The following WDHD1 variants were observed in gnomAD, a reference collection of about 807,000 sequenced individuals.
WDHD1 encodes WD repeat and HMG-box DNA binding protein 1.
Under a neutral mutation model 135.4 loss-of-function variants are expected in WDHD1, and 111 were observed. That is an observed-to-expected ratio of 0.82 (90% CI 0.70 to 0.96). WDHD1 has a LOEUF of 0.96. Ranked by LOEUF, WDHD1 falls within the 40% of genes least tolerant of loss-of-function variation. The probability of loss-of-function intolerance (pLI) is 0.00; values close to 1 mark genes in which losing one functional copy is unlikely to be tolerated. For missense variants in WDHD1, 1,351 were observed against 1,336.3 expected, an observed-to-expected ratio of 1.01 and a Z score of -0.17; for synonymous variants, 434 against 439.0, an observed-to-expected ratio of 0.99 and a Z score of 0.14.
intron 24 of WDHD1, among the ~76,000 whole-genome samples, chr14:54,951,429 C>T (rs1189331093): frequency 3.3e-5 from 5 of 151,852 alleles, no homozygotes; most frequent in Non-Finnish European, 7.4e-5. Context: ...ACACACACAC[C>T]CTCCCAAGAC....
intron 24 of WDHD1, among the ~76,000 whole-genome samples, chr14:54,946,990 C>T (rs1566702765): frequency 6.6e-6 from 1 of 151,836 alleles, no homozygotes; most frequent in Non-Finnish European, 1.5e-5. Context: ...TTGCAGTGAG[C>T]TGAGATTGCA....
rs570246738 is a variant in WDHD1, at chr14:55,008,176, G to C, written c.504+140C>G. The C allele has an allele frequency of 2.8e-5, 21 of 737,786 alleles. No individual in the cohort carries two copies. In the Admixed American group the frequency reaches 6.3e-4, roughly 22 times the overall value. The allele number at this position is 737,786 out of a possible 1,614,324, so 45.7% of individuals were successfully genotyped here. ...TTGGCACTAGAATACTGTGGACTTT[G>C]ATCACAAAAACAGTATTTAATGGTA... On this transcript the variant is annotated intron_variant, in intron 6 of 25. Coordinates refer to ENST00000360586, the MANE Select transcript of WDHD1 (RefSeq NM_007086.4).
intron 8 of WDHD1, 73 bp downstream of exon 8, chr14:55,002,020 C>T: frequency 9.5e-7 from 1 of 1,052,424 alleles, no homozygotes; most frequent in Non-Finnish European, 1.4e-6. Context: ...TATTTAACTG[C>T]AACTGTATTC....
chr14:55,018,894 A>G (rs1286812864), intron 2 of WDHD1, among the ~76,000 whole-genome samples: 2 of 152,326 alleles, frequency 1.3e-5, no homozygotes, highest in African/African-American at 4.8e-5. Flanking sequence ...ATGGTGGCGC[A>G]TGCCTGTAAT....
At chr14:54,972,663 A>T (rs1361550262) in intron 16 of WDHD1, among the ~76,000 whole-genome samples, 1 of 151,460 alleles carries the variant, frequency 6.6e-6, no homozygotes, top group African/African-American at 2.4e-5. Context: ...GTTGTCAAAA[A>T]AGAGAAAAAA....
intron 16 of WDHD1, among the ~76,000 whole-genome samples, chr14:54,969,565 G>A (rs965821527): frequency 3.9e-5 from 6 of 151,960 alleles, no homozygotes; most frequent in South Asian, 2.1e-4. Flanking sequence ...AAATTGAATC[G>A]TAATAAATAA....
chr14:55,011,185 C>T lies in WDHD1; in HGVS notation c.190-725G>A, dbSNP rs144949169. Among the ~76,000 whole-genome samples, 340 of 152,274 alleles carry T rather than the reference C, an allele frequency of 2.2e-3. 2 individuals carry two copies. The highest frequency in any genetic ancestry group is 7.7e-3 in the African/African-American group (318 of 41,564). On this transcript the variant is annotated intron_variant, in intron 3 of 25. Coordinates refer to ENST00000360586, the MANE Select transcript of WDHD1 (RefSeq NM_007086.4). The stretch of plus-strand genomic sequence containing the variant: ...TTACTTTTTCCTCCTTTACAGTCTT[C>T]TTCATATACAAAGGCAGTACATGCT...
chr14:54,989,248 A>G, intron 12 of WDHD1, 36 bp from the exon 13 acceptor site: 3 of 1,518,738 alleles, frequency 2.0e-6, no homozygotes, highest in Non-Finnish European at 2.7e-6. Context: ...AGTCTGAGAA[A>G]AACTGAAGCT....
chr14:54,996,015 T>G (rs532435922), intron 10 of WDHD1, among the ~76,000 whole-genome samples: 1 of 152,294 alleles, frequency 6.6e-6, no homozygotes, highest in South Asian at 2.1e-4. Context: ...TTCAAATGCC[T>G]TGTAGTCTGG....
intron 3 of WDHD1, among the ~76,000 whole-genome samples, chr14:55,012,812 A>G (rs745771031): frequency 1.3e-5 from 2 of 152,058 alleles, no homozygotes; most frequent in African/African-American, 4.8e-5. Context: ...CAATCCAATC[A>G]TGAGGCCAGA....
In WDHD1 at chr14:54,987,340, C is replaced by T; in HGVS notation, c.1574G>A (p.Trp525Ter). 6.2e-7 allele frequency: 1 copy of T among 1,613,898 alleles called. No homozygotes were observed. The highest frequency in any genetic ancestry group is 8.5e-7 in the Non-Finnish European group (1 of 1,179,976). The change falls in exon 14 of 26, where the codon TGG becomes TAG. Residue 525 changes from tryptophan to a stop codon, truncating the protein, a stop_gained. Coordinates refer to ENST00000360586, the MANE Select transcript of WDHD1 (RefSeq NM_007086.4). LOFTEE classifies it high-confidence loss of function. ...HFSSWDSSKE[W>*]IIDLPQNEDI... The stretch of plus-strand genomic sequence containing the variant: ...CTCATTCTGAGGCAAGTCTATTATC[C>T]ACTCTTTGCTTGAATCCCAAGAACT...
rs2041743717 is a variant in WDHD1 at position 54,989,165 on chromosome 14, G to A, written c.1389C>T (p.Asp463=). 1 of 1,613,504 alleles carries A rather than the reference G, an allele frequency of 6.2e-7. No individual in the cohort carries two copies. The highest frequency in any genetic ancestry group is 1.3e-5 in the African/African-American group (1 of 74,902). The change falls in exon 13 of 26, where the codon GAC becomes GAT. Residue 463 remains aspartate (D), a synonymous_variant. Coordinates refer to ENST00000360586, the MANE Select transcript of WDHD1 (RefSeq NM_007086.4). ...GIIRCYNDEQ[D]NAIDVEFHDT... is the part of the protein sequence containing the mutation. ...CATGGAACTCCACATCTATGGCATT[G>A]TCTTGCTCATCATTATAGCAGCGAA...
chr14:54,949,103 C>A (rs971275118), intron 24 of WDHD1, among the ~76,000 whole-genome samples: 1 of 152,200 alleles, frequency 6.6e-6, no homozygotes, highest in Non-Finnish European at 1.5e-5. Flanking sequence ...ACCTCTCCCC[C>A]CCCAAAGGAA....
In WDHD1 at chr14:54,940,513, AC is replaced by A. The variant is rs1245976729; in HGVS notation, c.*976del. 2 of 151,368 alleles carry A rather than the reference AC, an allele frequency of 1.3e-5. No homozygotes were observed. The highest frequency in any genetic ancestry group is 2.9e-5 in the Non-Finnish European group (2 of 67,878). 9.4% of individuals were successfully genotyped at this position (151,368 alleles called of 1,614,324 possible). ...TTATGTGATTGTTTCCTTCCCTCCC[AC>A]CCCCAGTACACTGCCTTTATGTGGC... On this transcript the variant is annotated 3_prime_UTR_variant, in exon 26 of 26. Transcript: ENST00000360586.
chr14:54,978,265 A>C lies in WDHD1; in HGVS notation c.2063+3275T>G, dbSNP rs561914427. ...GGACATGCAAGAAATCACTGAGAAC[A>C]ACCTACACTATAAGAACTACTAAAA... On this transcript the variant is annotated intron_variant, in intron 16 of 25. Coordinates refer to ENST00000360586, the MANE Select transcript of WDHD1 (RefSeq NM_007086.4). 3.3e-5 allele frequency among the ~76,000 whole-genome samples: 5 copies of C among 152,306 alleles called. No homozygotes were observed. The South Asian group carries it at 1.0e-3, about 32-fold the overall frequency.
intron 18 of WDHD1, among the ~76,000 whole-genome samples, chr14:54,966,163 C>CT (rs200445471): frequency 0.48 from 26,888 of 56,486 alleles, 3,920 homozygotes; most frequent in South Asian, 0.53. Context: ...CCCATCTCTA[C>CT]TAAAAAAAAA....
intron 16 of WDHD1, among the ~76,000 whole-genome samples, chr14:54,973,665 C>T (rs1245162067): frequency 1.3e-5 from 2 of 152,082 alleles, no homozygotes; most frequent in Non-Finnish European, 2.9e-5. Context: ...AGAGCATGTG[C>T]ATTCACAAAA....
At chr14:54,944,593 G>C in intron 24 of WDHD1, 123 bp from the exon 25 acceptor site, 1 of 588,968 alleles carries the variant, frequency 1.7e-6, no homozygotes, top group Non-Finnish European at 2.5e-6. Flanking sequence ...GGAAGACACA[G>C]TTACACTTGT....
At chr14:55,025,927 A>G (rs572790307) in intron 2 of WDHD1, among the ~76,000 whole-genome samples, 3 of 152,306 alleles carry the variant, frequency 2.0e-5, no homozygotes, top group African/African-American at 7.2e-5. Flanking sequence ...GCGTCTCAAG[A>G]AACACTTGTC....
Sources: allele counts gnomAD v4.1 joint callset (sites outside exome capture counted in the v4.1 genomes callset), GRCh38; gene constraint gnomAD v4.1.1; transcripts MANE v1.5; gene names NCBI Gene and HGNC (gene_info 2026-07-23, HGNC 2026-07-21).